SSR2: variants seen among roughly 807,000 people sequenced by gnomAD.
The protein encoded by SSR2 is signal sequence receptor subunit 2, also known as translocon-associated protein subunit beta.
SSR2 carries 16 observed loss-of-function variants against 22.6 expected under a neutral mutation model. That is an observed-to-expected ratio of 0.71 (90% CI 0.48 to 1.08). The LOEUF (loss-of-function observed/expected upper bound fraction) is 1.08, where lower values mean the gene tolerates loss of function less well. Ranked by LOEUF, SSR2 falls within the 50% of genes least tolerant of loss-of-function variation. SSR2 has a pLI of 0.00. For synonymous variants in SSR2, 83 were observed against 91.2 expected (o/e 0.91, Z 0.51); for missense variants, 171 against 221.6 (o/e 0.77, Z 1.45).
intron 1 of SSR2, 156 bp downstream of exon 1, chr1:156,020,732 C>T (rs966850301): frequency 8.0e-6 from 3 of 372,836 alleles, no homozygotes; most frequent in Non-Finnish European, 1.1e-5. Flanking sequence ...ATCACCTCTG[C>T]CCCCCGCCTC....
At chr1:156,014,771 A>G (rs1011886841) in intron 4 of SSR2, 190 bp downstream of exon 4, 7 of 497,936 alleles carry the variant, frequency 1.4e-5, no homozygotes, top group Non-Finnish European at 2.2e-5. Flanking sequence ...TGAACTCCTG[A>G]CCTTAGGTGA....
intron 3 of SSR2, among the ~76,000 whole-genome samples, chr1:156,015,535 A>AATATATATAT (rs1553254277): frequency 7.7e-4 from 36 of 46,770 alleles, no homozygotes; most frequent in East Asian, 2.7e-3. Context: ...AAAAAAAAAA[A>AATATATATAT]ATATATATAT....
At chr1:156,016,427 G>T (rs1367839950) in intron 3 of SSR2, among the ~76,000 whole-genome samples, 1 of 151,634 alleles carries the variant, frequency 6.6e-6, no homozygotes, top group African/African-American at 2.4e-5. Flanking sequence ...GTAGAGACAG[G>T]GTTTCACTGT....
At chr1:156,016,911 A>G (rs946986402) in intron 3 of SSR2, among the ~76,000 whole-genome samples, 2 of 152,222 alleles carry the variant, frequency 1.3e-5, no homozygotes, top group Admixed American at 6.5e-5. Flanking sequence ...TTCTACCATT[A>G]TAAGTTCCCT....
intron 2 of SSR2, chr1:156,019,298 A>C (rs1311590735): frequency 4.5e-6 from 2 of 444,746 alleles, no homozygotes; most frequent in Non-Finnish European, 9.0e-6. Flanking sequence ...GAAGAGGAAC[A>C]CAGTGAATAC....
In SSR2 at chr1:156,015,972, G is replaced by C. The variant is rs560440806; in HGVS notation, c.255-903C>G. On this transcript the variant is annotated intron_variant, in intron 3 of 5. Transcript: ENST00000295702. ...TCGAGACCAGCCTGGCCAACATGGC[G>C]AAACCCCGTCTCTACTAAAAATACA... 2.9e-4 allele frequency among the ~76,000 whole-genome samples: 44 copies of C among 151,914 alleles called. No homozygotes were observed. In the Middle Eastern group the frequency reaches 0.014, roughly 47 times the overall value.
rs573868669 is a variant in SSR2 at position 156,018,655 on chromosome 1, G to A, written c.156-287C>T. On this transcript the variant is annotated intron_variant, in intron 2 of 5. Transcript: ENST00000295702. ...CCCTGGGAGGCGGAGGTTGCAGTGAGCCAAGATCGCACCACTATACTCCAG... is the reference window on the plus strand; with the variant it reads ...CCCTGGGAGGCGGAGGTTGCAGTGAACCAAGATCGCACCACTATACTCCAG... 8.6e-5 allele frequency among the ~76,000 whole-genome samples: 13 copies of A among 151,158 alleles called. No individual in the cohort carries two copies. The East Asian group carries it at 2.6e-3, about 30-fold the overall frequency.
intron 3 of SSR2, among the ~76,000 whole-genome samples, chr1:156,017,221 T>C (rs1333398081): frequency 6.6e-6 from 1 of 152,180 alleles, no homozygotes; most frequent in Non-Finnish European, 1.5e-5. Context: ...TTAAATATAC[T>C]TTAATTCACA....
chr1:156,020,163 C>T lies in SSR2; in HGVS notation c.5G>A (p.Arg2Lys), dbSNP rs750875111. The T allele has an allele frequency of 6.2e-7, 1 of 1,613,602 alleles. No individual in the cohort carries two copies. Among genetic ancestry groups the T allele is most frequent in the East Asian group, 2.2e-5 (1 of 44,880 alleles). MRLLSFVVLALF... is the reference protein window; with the variant it reads MKLLSFVVLALF... ...AGCCAACACCACAAATGACAGCAGC[C>T]TCATCTTTAGAGAAAAAAGCAAAGT... Residue 2 changes from arginine (R) to lysine (K), a missense_variant, in exon 2 of 6, where the codon AGG becomes AAG. By Grantham distance (26) the Arg-to-Lys change is conservative. Transcript: ENST00000295702.
intron 2 of SSR2, among the ~76,000 whole-genome samples, chr1:156,019,478 G>C (rs554868879): frequency 1.3e-5 from 2 of 151,968 alleles, no homozygotes; most frequent in South Asian, 4.1e-4. Context: ...TCCGCCTCCC[G>C]GGTTCAAGCG....
chr1:156,020,811 A>AC (rs1195531418), intron 1 of SSR2, 77 bp downstream of exon 1: 8 of 448,724 alleles, frequency 1.8e-5, no homozygotes, highest in Non-Finnish European at 3.3e-5. Context: ...CCCCTAGCTA[A>AC]CCCCCAGCCA....
At chr1:156,017,677 C>G (rs1384448187) in intron 3 of SSR2, among the ~76,000 whole-genome samples, 2 of 143,106 alleles carry the variant, frequency 1.4e-5, no homozygotes, top group South Asian at 2.3e-4. Flanking sequence ...CCTTAAATAC[C>G]TTTGTCCAGC....
At chr1:156,019,226 T>G in intron 2 of SSR2, 1 of 453,948 alleles carries the variant, frequency 2.2e-6, no homozygotes, top group Non-Finnish European at 4.4e-6. Flanking sequence ...AGGCAATAGG[T>G]CCAAGTTCAT....
At chr1:156,020,772 G>C (rs1311421574) in intron 1 of SSR2, 116 bp downstream of exon 1, 2 of 419,974 alleles carry the variant, frequency 4.8e-6, no homozygotes. Context: ...ACGTCCTCCA[G>C]CCACCGCGTC....
intron 4 of SSR2, chr1:156,012,582 T>A (rs937832882): frequency 4.4e-6 from 2 of 456,136 alleles, no homozygotes; most frequent in East Asian, 6.9e-5. Context: ...GCAGAAATGA[T>A]ACCGGATGTG....
intron 4 of SSR2, chr1:156,013,968 C>G (rs996007906): frequency 6.6e-6 from 1 of 152,162 alleles, no homozygotes; most frequent in Admixed American, 6.5e-5. Flanking sequence ...TCACTCTAGT[C>G]CAGAACTTTA....
At chr1:156,016,336 C>G (rs2102723849) in intron 3 of SSR2, among the ~76,000 whole-genome samples, 1 of 151,964 alleles carries the variant, frequency 6.6e-6, no homozygotes, top group South Asian at 2.1e-4. Flanking sequence ...TGGGTTCACA[C>G]CATTCTCCTG....
Position 156,009,149 on chromosome 1 carries a change from A to C in SSR2, c.*391T>G. 5.5e-6 allele frequency: 1 copy of C among 180,242 alleles called. No homozygotes were observed. The allele number at this position is 180,242 out of a possible 1,614,324, so 11.2% of individuals were successfully genotyped here. ...CCAAGAGTCCCATAGCTTTCATTTC[A>C]TCTTCCACCCTCTTCTGAGAGGGGG... On this transcript the variant is annotated 3_prime_UTR_variant, in exon 6 of 6. Transcript: ENST00000295702.
At chr1:156,018,692 G>T (rs1683099098) in intron 2 of SSR2, among the ~76,000 whole-genome samples, 1 of 151,580 alleles carries the variant, frequency 6.6e-6, no homozygotes, top group South Asian at 2.1e-4. Context: ...CTGGGACAGA[G>T]CGAGACTCTG....
Sources: gnomAD v4.1 joint callset for allele counts (sites outside exome capture counted in the v4.1 genomes callset) on GRCh38, gnomAD v4.1.1 for gene constraint, MANE v1.5 for transcripts, NCBI Gene and HGNC (gene_info 2026-07-23, HGNC 2026-07-21) for gene names.